Variants in CSMD3 observed in about 807,000 individuals in gnomAD.
CSMD3 encodes CUB and Sushi multiple domains 3, also known as CUB and sushi domain-containing protein 3.
Under a neutral mutation model 435.2 loss-of-function variants are expected in CSMD3, and 177 were observed. The observed-to-expected ratio is 0.41, with a 90% CI of 0.36 to 0.46. The LOEUF (loss-of-function observed/expected upper bound fraction) is 0.46, where lower values mean the gene tolerates loss of function less well. Among genes scored for constraint, CSMD3 ranks in the 20% least tolerant of loss-of-function variants. The probability of loss-of-function intolerance (pLI) is 0.34; values close to 1 mark genes in which losing one functional copy is unlikely to be tolerated. For synonymous variants in CSMD3, 1,656 were observed against 1,520.5 expected, an observed-to-expected ratio of 1.09 and a Z score of -2.07; for missense variants, 4,265 against 4,504.6, an observed-to-expected ratio of 0.95 and a Z score of 1.52.
chr8:112,583,722 AT>A (rs1830504852), intron 23 of CSMD3, among the ~76,000 whole-genome samples: 1 of 151,928 alleles, frequency 6.6e-6, no homozygotes. Flanking sequence ...TATCACCATT[AT>A]AAAAACACAT....
rs2091097184 is a variant in CSMD3 at position 113,125,392 on chromosome 8, A to C, written c.710-26429T>G. ...ATTCCCTTCTACAGTTCAGGTAAGGATTTGGGGCTGGAGATTAAAAAATTG... is the reference window on the plus strand; with the variant it reads ...ATTCCCTTCTACAGTTCAGGTAAGGCTTTGGGGCTGGAGATTAAAAAATTG... On this transcript the variant is annotated intron_variant, in intron 4 of 70. Coordinates refer to ENST00000297405, the MANE Select transcript of CSMD3 (RefSeq NM_198123.2). Among the ~76,000 whole-genome samples, 3 of 151,938 alleles carry C rather than the reference A, an allele frequency of 2.0e-5. No homozygotes were observed. In the South Asian group the frequency reaches 6.2e-4, roughly 31 times the overall value.
At chr8:113,189,133 T>G (rs2092549724) in intron 3 of CSMD3, among the ~76,000 whole-genome samples, 1 of 151,902 alleles carries the variant, frequency 6.6e-6, no homozygotes, top group Admixed American at 6.6e-5. Context: ...TTATCTTTAC[T>G]GAGATCTTAA....
rs577195653 is a variant in CSMD3 at position 113,365,414 on chromosome 8, A to G, written c.179-50621T>C. ...AATAAGTTGAATTTGCAAACCACTCAAAGGATGAAATGTATAATCCTTTAG... is the reference window on the plus strand; with the variant it reads ...AATAAGTTGAATTTGCAAACCACTCGAAGGATGAAATGTATAATCCTTTAG... On this transcript the variant is annotated intron_variant, in intron 1 of 70. Coordinates refer to ENST00000297405, the MANE Select transcript of CSMD3 (RefSeq NM_198123.2). Among the ~76,000 whole-genome samples the G allele has an allele frequency of 2.6e-5, 4 of 152,186 alleles. No homozygotes were observed. The Middle Eastern group carries it at 0.014, about 518-fold the overall frequency.
At chr8:112,290,660 A>G (rs940318206) in intron 56 of CSMD3, among the ~76,000 whole-genome samples, 7 of 152,040 alleles carry the variant, frequency 4.6e-5, no homozygotes, top group Non-Finnish European at 1.0e-4. Context: ...TAAATGAAGC[A>G]TAATCATAAA....
intron 26 of CSMD3, among the ~76,000 whole-genome samples, chr8:112,551,578 T>C (rs914384820): frequency 6.6e-6 from 1 of 152,144 alleles, no homozygotes; most frequent in Admixed American, 6.6e-5. Context: ...TAATGTTTAA[T>C]TTTTAGAAAT....
intron 11 of CSMD3, among the ~76,000 whole-genome samples, chr8:112,848,436 A>C (rs976399378): frequency 5.3e-5 from 8 of 152,110 alleles, no homozygotes; most frequent in African/African-American, 1.9e-4. Context: ...TTATTTATAC[A>C]ATAAATGTTA....
At chr8:112,945,342 T>G (rs1011708983) in intron 9 of CSMD3, among the ~76,000 whole-genome samples, 16 of 151,766 alleles carry the variant, frequency 1.1e-4, no homozygotes, top group Admixed American at 6.6e-5. Context: ...TTTTCTTCAA[T>G]CACTGAGCTA....
At chr8:112,947,668 AT>A in intron 9 of CSMD3, 121 bp downstream of exon 9, 2 of 585,218 alleles carry the variant, frequency 3.4e-6, no homozygotes, top group Non-Finnish European at 6.1e-6. Context: ...ATAACAATAC[AT>A]TGATAAAATG....
chr8:112,826,457 G>A (rs914589216), intron 12 of CSMD3, among the ~76,000 whole-genome samples: 25 of 152,080 alleles, frequency 1.6e-4, no homozygotes, highest in Middle Eastern at 3.4e-3. Context: ...CCCTGGTGGC[G>A]TGTGCTTGTG....
intron 1 of CSMD3, among the ~76,000 whole-genome samples, chr8:113,407,876 C>T (rs1398213159): frequency 5.9e-5 from 9 of 152,098 alleles, no homozygotes; most frequent in African/African-American, 2.2e-4. Flanking sequence ...TAAATTGCTG[C>T]ATGTTTTCTC....
chr8:112,415,246 T>C (rs866811331), intron 32 of CSMD3, among the ~76,000 whole-genome samples: 1 of 152,216 alleles, frequency 6.6e-6, no homozygotes, highest in South Asian at 2.1e-4. Flanking sequence ...CATGGTGCCC[T>C]GCACCCAGCT....
At chr8:112,471,678 A>C (rs1024179550) in intron 32 of CSMD3, among the ~76,000 whole-genome samples, 6 of 152,190 alleles carry the variant, frequency 3.9e-5, no homozygotes, top group African/African-American at 4.8e-5. Flanking sequence ...AGCTTATTTT[A>C]TATCTCAGCA....
chr8:112,549,647 T>C (rs1375878126), intron 27 of CSMD3, among the ~76,000 whole-genome samples: 1 of 152,078 alleles, frequency 6.6e-6, no homozygotes, highest in African/African-American at 2.4e-5. Flanking sequence ...CATTTCAATG[T>C]TACATTTATT....
intron 32 of CSMD3, among the ~76,000 whole-genome samples, chr8:112,467,426 G>A (rs1818070537): frequency 6.6e-6 from 1 of 152,144 alleles, no homozygotes; most frequent in Admixed American, 6.5e-5. Context: ...TGTTTTACAT[G>A]TTGGAATTTT....
chr8:113,377,302 T>C, intron 1 of CSMD3: 1 of 202,108 alleles, frequency 4.9e-6, no homozygotes, highest in Admixed American at 5.4e-5. Flanking sequence ...ATAAAGAAGT[T>C]TACCTTCATT....
At chr8:112,248,725 C>A (rs1218893433) in intron 63 of CSMD3, among the ~76,000 whole-genome samples, 1 of 152,066 alleles carries the variant, frequency 6.6e-6, no homozygotes, top group Non-Finnish European at 1.5e-5. Flanking sequence ...TGAATTCCAC[C>A]ATTTTTCATA....
chr8:112,922,452 G>C (rs1054306038), intron 9 of CSMD3, among the ~76,000 whole-genome samples: 1 of 151,808 alleles, frequency 6.6e-6, no homozygotes, highest in Non-Finnish European at 1.5e-5. Flanking sequence ...TCAAATAGTA[G>C]GTCTTTTTCA....
chr8:113,058,180 T>C (rs1267411114), intron 5 of CSMD3, among the ~76,000 whole-genome samples: 1 of 151,972 alleles, frequency 6.6e-6, no homozygotes, highest in Non-Finnish European at 1.5e-5. Flanking sequence ...ATAAATTTTA[T>C]TACCCTATCA....
chr8:112,743,501 A>T (rs370370724), intron 13 of CSMD3, among the ~76,000 whole-genome samples: 2 of 151,838 alleles, frequency 1.3e-5, no homozygotes, highest in East Asian at 3.9e-4. Context: ...GCCTAATAAC[A>T]TCTCAGCCAT....
Sources: gnomAD v4.1 joint callset for allele counts (sites outside exome capture counted in the v4.1 genomes callset) on GRCh38, gnomAD v4.1.1 for gene constraint, MANE v1.5 for transcripts, NCBI Gene and HGNC (gene_info 2026-07-23, HGNC 2026-07-21) for gene names.